The following SPRY3 variants were observed in gnomAD, a reference collection of about 807,000 sequenced individuals.
The protein encoded by SPRY3 is protein sprouty homolog 3.
A neutral mutation model predicts 20.2 loss-of-function variants in SPRY3; 15 were observed. The ratio of observed to expected loss-of-function variants is 0.74; its 90% CI spans 0.50 to 1.14. SPRY3 has a LOEUF of 1.14. Ranked by LOEUF, SPRY3 falls within the 50% of genes most tolerant of loss-of-function variation. SPRY3 has a pLI of 0.00. For synonymous variants in SPRY3, 143 were observed against 136.5 expected (o/e 1.05, Z -0.33); for missense variants, 364 against 363.9 (o/e 1.00, Z 0.00).
Position 155,636,564 on chromosome X carries a change from G to T in SPRY3, c.-440-20303G>T, listed in dbSNP as rs370236156. Among the ~76,000 whole-genome samples the T allele has an allele frequency of 9.0e-3, 946 of 104,781 alleles. 12 individuals carry two copies. Among genetic ancestry groups the T allele is most frequent in the African/African-American group, 0.032 (898 of 28,308 alleles). 91.0% of individuals were successfully genotyped at this position (104,781 alleles called of 115,157 possible). ...TCTCTTCCTTGTTTTTATGTAGGTA[G>T]GTATGTATGTATGTATGTATGTATG... On this transcript the variant is annotated intron_variant, in intron 1 of 3. Transcript: ENST00000675360.
chrX:155,744,041 A>G (rs2091214811), intron 2 of SPRY3, among the ~76,000 whole-genome samples: 1 of 152,122 alleles, frequency 6.6e-6, no homozygotes, highest in African/African-American at 2.4e-5. Flanking sequence ...GTGGCTGGGC[A>G]ACTTTGGCTG....
chrX:155,714,292 G>A (rs2091006459), intron 2 of SPRY3, among the ~76,000 whole-genome samples: 1 of 152,130 alleles, frequency 6.6e-6, no homozygotes, highest in South Asian at 2.1e-4. Flanking sequence ...GTGTTGAAGT[G>A]TTAGGCATTC....
chrX:155,708,212 G>T (rs750732275), intron 2 of SPRY3, among the ~76,000 whole-genome samples: 1 of 151,356 alleles, frequency 6.6e-6, no homozygotes, highest in East Asian at 1.9e-4. Flanking sequence ...TCTCTTAGCA[G>T]TGAATTTTCT....
rs1429318458 is a variant in SPRY3 at position 155,770,708 on chromosome X, C to CTCACAATGAATGGCTCT, written c.-107+2574_-107+2590dup. On this transcript the variant is annotated intron_variant, in intron 3 of 3. Transcript: ENST00000675360. ...CTGCACAGTTTCTTAACTGTTGCTG[C>CTCACAATGAATGGCTCT]TCACAATGAATGGCTCTTTAGTGGG... Among the ~76,000 whole-genome samples the CTCACAATGAATGGCTCT allele has an allele frequency of 4.7e-4, 72 of 152,022 alleles. 1 individual carries two copies. The highest frequency in any genetic ancestry group is 8.4e-4 in the Non-Finnish European group (57 of 67,986).
chrX:155,776,874 C>G (rs930158600), downstream of SPRY3: 18 of 166,992 alleles, frequency 1.1e-4, no homozygotes, highest in African/African-American at 4.3e-4. Flanking sequence ...GAGCCCCACA[C>G]CTTCACTTAC....
intron 2 of SPRY3, among the ~76,000 whole-genome samples, chrX:155,697,986 A>G (rs761438453): frequency 9.0e-6 from 1 of 111,392 alleles, no homozygotes; most frequent in South Asian, 3.8e-4. Context: ...TTATTATCAT[A>G]TATCAAGAAG....
intron 2 of SPRY3, among the ~76,000 whole-genome samples, chrX:155,735,201 G>A (rs28787016): frequency 0.047 from 7,191 of 151,768 alleles, 208 homozygotes; most frequent in African/African-American, 0.08. Context: ...ATTCCAATAT[G>A]GTCTAAGAGA....
exon 4 of SPRY3, chrX:155,774,226 G>C (rs1352879767): frequency 6.2e-7 from 1 of 1,614,028 alleles, no homozygotes; most frequent in Non-Finnish European, 8.5e-7. Flanking sequence ...CCAACCTGGA[G>C]CAGGGGTCCA....
chrX:155,726,735 C>T (rs1162078219), intron 2 of SPRY3, among the ~76,000 whole-genome samples: 2 of 152,082 alleles, frequency 1.3e-5, no homozygotes, highest in East Asian at 1.9e-4. Flanking sequence ...ATATGGGTCT[C>T]GTGAATACAG....
chrX:155,775,073 T>G, exon 4 of SPRY3: 2 of 377,710 alleles, frequency 5.3e-6, no homozygotes, highest in Non-Finnish European at 5.0e-6. Flanking sequence ...CCCAATGTAA[T>G]ACCTCTCGAT....
chrX:155,771,426 C>G (rs751958518), intron 3 of SPRY3, among the ~76,000 whole-genome samples: 1 of 152,176 alleles, frequency 6.6e-6, no homozygotes, highest in Admixed American at 6.5e-5. Flanking sequence ...GTATAACTTC[C>G]TTTAAATTAT....
At chrX:155,653,276 T>G (rs782496499) in intron 1 of SPRY3, among the ~76,000 whole-genome samples, 3 of 111,976 alleles carry the variant, frequency 2.7e-5, no homozygotes, top group Non-Finnish European at 3.8e-5. Flanking sequence ...TTTTTAAAAT[T>G]TTGTTACTTG....
chrX:155,724,563 G>A (rs1488606492), intron 2 of SPRY3, among the ~76,000 whole-genome samples: 2 of 152,132 alleles, frequency 1.3e-5, no homozygotes, highest in Non-Finnish European at 2.9e-5. Flanking sequence ...TCTCTTTGAA[G>A]CAATTGTGAA....
intron 1 of SPRY3, among the ~76,000 whole-genome samples, chrX:155,630,459 T>C (rs1389589025): frequency 1.8e-5 from 2 of 111,890 alleles, no homozygotes; most frequent in East Asian, 2.8e-4. Flanking sequence ...AAAGTCTTTA[T>C]ATTTCCTTCA....
intron 2 of SPRY3, among the ~76,000 whole-genome samples, chrX:155,657,373 A>C (rs781860652): frequency 1.8e-5 from 2 of 112,008 alleles, no homozygotes; most frequent in Admixed American, 1.9e-4. Flanking sequence ...TGCTGTGTTG[A>C]GTTCTGCCTA....
chrX:155,763,149 G>T (rs2091311028), intron 2 of SPRY3, among the ~76,000 whole-genome samples: 1 of 152,078 alleles, frequency 6.6e-6, no homozygotes, highest in African/African-American at 2.4e-5. Context: ...ACTTATAAGT[G>T]GGAGCTTAAC....
intron 2 of SPRY3, among the ~76,000 whole-genome samples, chrX:155,758,029 T>C (rs2091289916): frequency 6.6e-6 from 1 of 152,204 alleles, no homozygotes; most frequent in South Asian, 2.1e-4. Context: ...TATAACTGTA[T>C]TTCTCTTCAG....
At chrX:155,753,015 A>C (rs1160517969) in intron 2 of SPRY3, among the ~76,000 whole-genome samples, 1 of 151,960 alleles carries the variant, frequency 6.6e-6, no homozygotes, top group African/African-American at 2.4e-5. Context: ...TCTGGCAAAG[A>C]GAAGAGTCAA....
chrX:155,620,475 C>A (rs782037960), intron 1 of SPRY3, among the ~76,000 whole-genome samples: 2 of 111,484 alleles, frequency 1.8e-5, no homozygotes, highest in Non-Finnish European at 3.8e-5. Context: ...AACTATACAT[C>A]CATAAAATGG....
Sources: gnomAD v4.1 joint callset for allele counts (sites outside exome capture counted in the v4.1 genomes callset) on GRCh38, gnomAD v4.1.1 for gene constraint, MANE v1.5 for transcripts, NCBI Gene and HGNC (gene_info 2026-07-23, HGNC 2026-07-21) for gene names.